DNAH10: variants seen among roughly 807,000 people sequenced by gnomAD.
The protein encoded by DNAH10 is dynein axonemal heavy chain 10, also known as axonemal beta dynein heavy chain 10.
In DNAH10, 348 loss-of-function variants were observed where a neutral mutation model predicts 506.6. That is an observed-to-expected ratio of 0.69 (90% CI 0.63 to 0.75). The LOEUF is 0.75. Ranked by LOEUF, DNAH10 falls within the 30% of genes least tolerant of loss-of-function variation. The pLI, the probability that DNAH10 is intolerant of heterozygous loss-of-function variation, is 0.00. For missense variants in DNAH10, 5,179 were observed against 5,787.1 expected (o/e 0.89, Z 3.41); for synonymous variants, 2,059 against 2,198.6 (o/e 0.94, Z 1.78).
chr12:123,867,839 G>A lies in DNAH10; in HGVS notation c.7303-64G>A, dbSNP rs1005721529. On this transcript the variant is annotated intron_variant, in intron 42 of 78. Transcript: ENST00000673944. ...TGGGACCTGGGATCCCAGGATTTAT[G>A]ACTGGAATGGACTCTGTGGGGGTGG... The A allele has an allele frequency of 2.0e-6, 3 of 1,514,236 alleles. No individual in the cohort carries two copies. In the African/African-American group the frequency reaches 4.1e-5, roughly 21 times the overall value. The allele number at this position is 1,514,236 out of a possible 1,614,324, so 93.8% of individuals were successfully genotyped here. A position where few individuals can be genotyped will look rare whatever the true frequency, so the allele number is the denominator to read the frequency against.
At position 123,804,832 on chromosome 12, in the gene DNAH10, G is replaced by A; in HGVS notation, c.2780-1G>A. The A allele has an allele frequency of 6.2e-7, 1 of 1,609,074 alleles. No individual in the cohort carries two copies. The highest frequency in any genetic ancestry group is 1.1e-5 in the South Asian group (1 of 90,954). On this transcript the variant is annotated splice_acceptor_variant, in intron 17 of 78. Transcript: ENST00000673944. LOFTEE classifies it high-confidence loss of function. ...GCTCTAACAGACATCTTTCTCTCCA[G>A]GCGTGAAGGAATTTTTTGAACACAT...
chr12:123,857,218 G>A lies in DNAH10; in HGVS notation c.6601G>A (p.Glu2201Lys). ...CGATGCGGTAGAGCAGGTCCTGGAG[G>A]AGAACGGCTACGCGGTCCTACCCAT... ...FNDAVEQVLE[E>K]NGYAVLPIQV... The change falls in exon 37 of 79, where the codon GAG becomes AAG. Residue 2201 changes from glutamate to lysine, a missense_variant. By Grantham distance (56) the Glu-to-Lys change is moderately conservative. Around this residue, in one of 3 missense-constraint regions of DNAH10, gnomAD observed 4,844 missense variants for 5,430.5 expected, o/e 0.89. Coordinates refer to ENST00000673944, the MANE Select transcript of DNAH10 (RefSeq NM_001372106.1). The A allele has an allele frequency of 6.3e-7, 1 of 1,592,892 alleles. No homozygotes were observed. Among genetic ancestry groups the A allele is most frequent in the Non-Finnish European group, 8.6e-7 (1 of 1,168,930 alleles).
At chr12:123,921,132 C>T (rs772225602) in intron 65 of DNAH10, among the ~76,000 whole-genome samples, 2 of 152,286 alleles carry the variant, frequency 1.3e-5, no homozygotes, top group East Asian at 1.9e-4. Flanking sequence ...TTCCCGTCGT[C>T]TGAATTTTGT....
At chr12:123,774,678 A>G (rs1957374277) in intron 5 of DNAH10, among the ~76,000 whole-genome samples, 1 of 152,270 alleles carries the variant, frequency 6.6e-6, no homozygotes, top group Non-Finnish European at 1.5e-5. Context: ...TCCTTAAGGC[A>G]TAAATCGCTC....
chr12:123,905,691 CT>C (rs2137329844), intron 57 of DNAH10, among the ~76,000 whole-genome samples: 1 of 150,474 alleles, frequency 6.6e-6, no homozygotes, highest in African/African-American at 2.4e-5. Flanking sequence ...TTTCTGTGAA[CT>C]TGGTTTGCGT....
chr12:123,788,559 G>T (rs1957951892), intron 10 of DNAH10, among the ~76,000 whole-genome samples: 1 of 152,190 alleles, frequency 6.6e-6, no homozygotes, highest in Non-Finnish European at 1.5e-5. Flanking sequence ...AGGTCCGGCT[G>T]CGGTGTGGCA....
chr12:123,784,205 T>A, intron 8 of DNAH10, 28 bp downstream of exon 8: 1 of 1,589,488 alleles, frequency 6.3e-7, no homozygotes, highest in Non-Finnish European at 8.6e-7. Context: ...CACTTTGCAG[T>A]CAGCTCTGTC....
intron 1 of DNAH10, among the ~76,000 whole-genome samples, chr12:123,766,077 T>G (rs1243176525): frequency 1.4e-5 from 2 of 141,888 alleles, no homozygotes; most frequent in Admixed American, 1.4e-4. Context: ...TGTCTATACA[T>G]CTATCTATAC....
chr12:123,860,925 C>T, intron 38 of DNAH10, 87 bp from the exon 39 acceptor site: 1 of 1,579,478 alleles, frequency 6.3e-7, no homozygotes, highest in Non-Finnish European at 8.7e-7. Context: ...AAAGTCAAAA[C>T]ATCTAATTCC....
intron 52 of DNAH10, among the ~76,000 whole-genome samples, chr12:123,892,498 T>G (rs544337211): frequency 2.0e-5 from 3 of 152,266 alleles, no homozygotes; most frequent in Admixed American, 1.3e-4. Flanking sequence ...CAATTCAACC[T>G]GAGATTTGGT....
chr12:123,905,477 C>T (rs1953732094), intron 57 of DNAH10, among the ~76,000 whole-genome samples: 1 of 152,198 alleles, frequency 6.6e-6, no homozygotes, highest in South Asian at 2.1e-4. Context: ...ACCTATTTAT[C>T]CTCACCAACA....
At chr12:123,794,657 G>A (rs918643704) in intron 12 of DNAH10, among the ~76,000 whole-genome samples, 12 of 151,892 alleles carry the variant, frequency 7.9e-5, no homozygotes, top group African/African-American at 2.9e-4. Flanking sequence ...ACCAGCCTAG[G>A]CAACATAGCA....
intron 24 of DNAH10, among the ~76,000 whole-genome samples, chr12:123,821,782 G>A (rs535587072): frequency 3.3e-4 from 50 of 152,218 alleles, no homozygotes; most frequent in Non-Finnish European, 5.4e-4. Flanking sequence ...AAAAGTTGCC[G>A]TGTCAGCCTG....
At position 123,896,148 on chromosome 12, in the gene DNAH10, C is replaced by CACACACACAG. The variant is rs1383690518; in HGVS notation, c.9280+1426_9280+1427insCACACACAGA. 6.7e-3 allele frequency among the ~76,000 whole-genome samples: 635 copies of CACACACACAG among 95,114 alleles called. 11 individuals carry two copies. The highest frequency in any genetic ancestry group is 9.1e-3 in the Non-Finnish European group (467 of 51,174). 62.4% of individuals were successfully genotyped at this position (95,114 alleles called of 152,430 possible). ...ACACACACACACACACACACACACA[C>CACACACACAG]AGAGAGAGAGAGAGAGAGAGAGAGA... On this transcript the variant is annotated intron_variant, in intron 54 of 78. Transcript: ENST00000673944.
At chr12:123,807,229 A>G (rs933268151) in intron 18 of DNAH10, among the ~76,000 whole-genome samples, 6 of 151,348 alleles carry the variant, frequency 4.0e-5, no homozygotes, top group Non-Finnish European at 8.8e-5. Context: ...CCATCCATCC[A>G]TCCATCCAAG....
At chr12:123,789,799 C>A in intron 10 of DNAH10, 128 bp from the exon 11 acceptor site, 1 of 842,088 alleles carries the variant, frequency 1.2e-6, no homozygotes, top group South Asian at 1.8e-5. Context: ...GGGCTTAGTC[C>A]GGGAGGAGGT....
chr12:123,868,304 G>T (rs77819225), intron 43 of DNAH10, among the ~76,000 whole-genome samples, 185 bp downstream of exon 43: 5,054 of 152,230 alleles, frequency 0.033, 247 homozygotes, highest in African/African-American at 0.11. Flanking sequence ...TGCATTGACT[G>T]CTGTGACAGA....
intron 54 of DNAH10, among the ~76,000 whole-genome samples, chr12:123,896,148 C>CACACACACACAGAGAGAGAG (rs1383690518): frequency 3.1e-5 from 3 of 95,270 alleles, no homozygotes; most frequent in Non-Finnish European, 5.8e-5. Flanking sequence ...CACACACACA[C>CACACACACACAGAGAGAGAG]AGAGAGAGAG....
intron 4 of DNAH10, among the ~76,000 whole-genome samples, chr12:123,773,606 T>G (rs1175497838): frequency 6.6e-6 from 1 of 152,186 alleles, no homozygotes; most frequent in African/African-American, 2.4e-5. Flanking sequence ...TGAGGGCCAC[T>G]TCCTGGTTCA....
Sources: allele counts gnomAD v4.1 joint callset (sites outside exome capture counted in the v4.1 genomes callset), GRCh38; gene constraint gnomAD v4.1.1; regional missense constraint gnomAD v4.1.1; transcripts MANE v1.5; gene names NCBI Gene and HGNC (gene_info 2026-07-23, HGNC 2026-07-21).